ERBB4: variants seen among roughly 807,000 people sequenced by gnomAD.
ERBB4 encodes the protein erb-b2 receptor tyrosine kinase 4.
A neutral mutation model predicts 158.0 loss-of-function variants in ERBB4; 42 were observed. The observed-to-expected ratio is 0.27, with a 90% CI of 0.21 to 0.34. The LOEUF is 0.34. ERBB4 is among the 10% of genes least tolerant of loss of function. The pLI is 1.00. For synonymous variants in ERBB4, 583 were observed against 558.7 expected (o/e 1.04, Z -0.61); for missense variants, 1,333 against 1,624.1 (o/e 0.82, Z 3.08).
chr2:212,213,517 T>C lies in ERBB4; in HGVS notation c.83-88614A>G, dbSNP rs1403803119. 7.2e-5 allele frequency among the ~76,000 whole-genome samples: 11 copies of C among 152,006 alleles called. No individual in the cohort carries two copies. The South Asian group carries it at 1.7e-3, about 23-fold the overall frequency. On this transcript the variant is annotated intron_variant, in intron 1 of 27. Coordinates refer to ENST00000342788, the MANE Select transcript of ERBB4 (RefSeq NM_005235.3). ...CATTTATGGGGGCAGCTAAAAGATA[T>C]TGGAAGGAATGGCTAAGCCCTCTCA...
chr2:212,040,998 C>T (rs2077128009), intron 2 of ERBB4, among the ~76,000 whole-genome samples: 1 of 152,038 alleles, frequency 6.6e-6, no homozygotes, highest in Non-Finnish European at 1.5e-5. Flanking sequence ...AAATCTACAA[C>T]CAGGAGCAGA....
At chr2:211,923,433 T>G (rs1265083488) in intron 3 of ERBB4, among the ~76,000 whole-genome samples, 1 of 152,120 alleles carries the variant, frequency 6.6e-6, no homozygotes. Context: ...TGCAGATGAA[T>G]TTTTCAAGAA....
chr2:211,908,960 T>A (rs1054759881), intron 3 of ERBB4, among the ~76,000 whole-genome samples: 1 of 151,612 alleles, frequency 6.6e-6, no homozygotes, highest in African/African-American at 2.4e-5. Context: ...AAAAATTATA[T>A]ATGTTATAAC....
At chr2:211,932,494 C>T (rs2125101999) in intron 3 of ERBB4, among the ~76,000 whole-genome samples, 1 of 151,996 alleles carries the variant, frequency 6.6e-6, no homozygotes, top group Admixed American at 6.6e-5. Context: ...AAAGGACATT[C>T]CCTATTTCAC....
In ERBB4 at chr2:212,191,958, TTA is replaced by T. The variant is rs374244002; in HGVS notation, c.83-67057_83-67056del. Among the ~76,000 whole-genome samples the T allele has an allele frequency of 3.8e-3, 446 of 118,746 alleles. 1 individual carries two copies. The highest frequency in any genetic ancestry group is 0.013 in the African/African-American group (408 of 30,990). The allele number at this position is 118,746 out of a possible 152,430, so 77.9% of individuals were successfully genotyped here. On this transcript the variant is annotated intron_variant, in intron 1 of 27. Coordinates refer to ENST00000342788, the MANE Select transcript of ERBB4 (RefSeq NM_005235.3). ...ATATATGATGCATATGTTATATATG[TTA>T]TATATGTTATATGTTATATATGTTA... is the stretch of plus-strand genomic sequence containing the variant.
chr2:212,483,579 C>T (rs977832420), intron 1 of ERBB4, among the ~76,000 whole-genome samples: 8 of 152,176 alleles, frequency 5.3e-5, no homozygotes, highest in African/African-American at 1.9e-4. Flanking sequence ...TAGAAAGTAT[C>T]TATATAGTTC....
chr2:212,509,796 A>C (rs191478095), intron 1 of ERBB4, among the ~76,000 whole-genome samples: 73 of 152,058 alleles, frequency 4.8e-4, no homozygotes, highest in Non-Finnish European at 1.0e-4. Context: ...TAGATGTATA[A>C]AAAGCTGTTG....
chr2:212,381,251 G>C (rs2090493908), intron 1 of ERBB4, among the ~76,000 whole-genome samples: 1 of 151,184 alleles, frequency 6.6e-6, no homozygotes, highest in African/African-American at 2.4e-5. Flanking sequence ...CAAAAAGTTA[G>C]ATAAAAAGTC....
At chr2:211,923,286 A>G (rs1667996857) in intron 3 of ERBB4, among the ~76,000 whole-genome samples, 1 of 152,166 alleles carries the variant, frequency 6.6e-6, no homozygotes, top group Admixed American at 6.6e-5. Context: ...AGGATAAATA[A>G]CTTGTTGACA....
intron 3 of ERBB4, among the ~76,000 whole-genome samples, chr2:211,867,081 G>T (rs1456945113): frequency 7.0e-6 from 1 of 143,826 alleles, no homozygotes; most frequent in Non-Finnish European, 1.5e-5. Flanking sequence ...CTTTCAGTGT[G>T]ATATGAGGAA....
At chr2:211,757,940 A>C (rs2075322181) in intron 4 of ERBB4, among the ~76,000 whole-genome samples, 1 of 152,228 alleles carries the variant, frequency 6.6e-6, no homozygotes, top group Admixed American at 6.5e-5. Flanking sequence ...TAACTCATAA[A>C]TGGAAGCAAC....
At chr2:211,578,519 A>AC in intron 19 of ERBB4, among the ~76,000 whole-genome samples, 1 of 152,304 alleles carries the variant, frequency 6.6e-6, no homozygotes, top group South Asian at 2.1e-4. Context: ...AAAGAGAAAA[A>AC]AGCTTGAAGC....
chr2:212,010,278 T>C (rs2076353746), intron 2 of ERBB4, among the ~76,000 whole-genome samples: 1 of 152,198 alleles, frequency 6.6e-6, no homozygotes, highest in Non-Finnish European at 1.5e-5. Context: ...AAACTAGTAC[T>C]GCAGCAGGAC....
At chr2:212,221,371 G>A (rs1480108369) in intron 1 of ERBB4, among the ~76,000 whole-genome samples, 3 of 151,490 alleles carry the variant, frequency 2.0e-5, no homozygotes, top group African/African-American at 7.3e-5. Flanking sequence ...TTCAAAAATT[G>A]CTATGCTTGC....
chr2:211,842,026 T>C (rs1289868685), intron 3 of ERBB4, among the ~76,000 whole-genome samples: 1 of 152,058 alleles, frequency 6.6e-6, no homozygotes, highest in Non-Finnish European at 1.5e-5. Flanking sequence ...TTATTTACAA[T>C]TCTGTCCCAA....
At chr2:211,889,702 A>G (rs987323141) in intron 3 of ERBB4, among the ~76,000 whole-genome samples, 2 of 146,726 alleles carry the variant, frequency 1.4e-5, no homozygotes, top group Non-Finnish European at 3.0e-5. Flanking sequence ...AATACAGAGA[A>G]GTGCTTAAAG....
Position 211,763,130 on chromosome 2 carries a change from T to C in ERBB4, c.557-12426A>G, listed in dbSNP as rs565557203. Among the ~76,000 whole-genome samples the C allele has an allele frequency of 5.9e-5, 9 of 152,238 alleles. No homozygotes were observed. The South Asian group carries it at 1.7e-3, about 28-fold the overall frequency. Reference sequence around the variant, plus strand: ...GAAAGTATTAAGCAGACACAAAATATCTGAGAAGGTACAAAAGATAGACTA... The same window carrying C: ...GAAAGTATTAAGCAGACACAAAATACCTGAGAAGGTACAAAAGATAGACTA... On this transcript the variant is annotated intron_variant, in intron 4 of 27. Coordinates refer to ENST00000342788, the MANE Select transcript of ERBB4 (RefSeq NM_005235.3).
intron 20 of ERBB4, among the ~76,000 whole-genome samples, chr2:211,496,775 G>A (rs1451619852): frequency 2.0e-5 from 3 of 152,034 alleles, no homozygotes; most frequent in Non-Finnish European, 2.9e-5. Flanking sequence ...TTCTGCCTCA[G>A]GGCCTTGGTT....
intron 20 of ERBB4, among the ~76,000 whole-genome samples, chr2:211,450,636 A>G (rs1239091013): frequency 1.3e-5 from 2 of 152,218 alleles, no homozygotes; most frequent in Non-Finnish European, 1.5e-5. Context: ...AACTTCAGTT[A>G]GTGCTACTGA....
Sources: allele counts gnomAD v4.1 joint callset (sites outside exome capture counted in the v4.1 genomes callset), GRCh38; gene constraint gnomAD v4.1.1; transcripts MANE v1.5; gene names NCBI Gene and HGNC (gene_info 2026-07-23, HGNC 2026-07-21).